The following ARSB variants were observed in gnomAD, a reference collection of about 807,000 sequenced individuals.
The protein encoded by ARSB is arylsulfatase B.
A neutral mutation model predicts 50.9 loss-of-function variants in ARSB; 41 were observed. The observed-to-expected ratio is 0.81, with a 90% CI of 0.63 to 1.04. The LOEUF is 1.04. Ranked by LOEUF, ARSB falls within the 50% of genes least tolerant of loss-of-function variation. The probability of loss-of-function intolerance (pLI) is 0.00; values close to 1 mark genes in which losing one functional copy is unlikely to be tolerated. For missense variants in ARSB, 672 were observed against 693.3 expected (o/e 0.97, Z 0.35); for synonymous variants, 269 against 284.8 (o/e 0.94, Z 0.56).
At chr5:78,933,917 GA>G (rs1050701053) in intron 4 of ARSB, among the ~76,000 whole-genome samples, 1 of 152,166 alleles carries the variant, frequency 6.6e-6, no homozygotes, top group Non-Finnish European at 1.5e-5. Flanking sequence ...CTAGAGTGAC[GA>G]GAGAGAAGAA....
chr5:78,804,600 T>G lies in ARSB; in HGVS notation c.1214-22626A>C, dbSNP rs538303007. On this transcript the variant is annotated intron_variant, in intron 6 of 7. Coordinates refer to ENST00000264914, the MANE Select transcript of ARSB (RefSeq NM_000046.5). ...TTGACATGGCAGATAATTAAGACAC[T>G]AAAACTAACAACCAAAGGCAGAAAG... 3.3e-5 allele frequency among the ~76,000 whole-genome samples: 5 copies of G among 152,304 alleles called. No individual in the cohort carries two copies. In the South Asian group the frequency reaches 1.0e-3, roughly 32 times the overall value.
chr5:78,974,085 G>GT (rs1752568155), intron 1 of ARSB, among the ~76,000 whole-genome samples: 1 of 152,212 alleles, frequency 6.6e-6, no homozygotes, highest in Non-Finnish European at 1.5e-5. Context: ...TCACGGTCAA[G>GT]TAACACTTGT....
intron 4 of ARSB, among the ~76,000 whole-genome samples, chr5:78,909,501 A>G (rs929451289): frequency 1.3e-5 from 2 of 152,156 alleles, no homozygotes; most frequent in East Asian, 3.8e-4. Context: ...CTTTGCCCCA[A>G]CCTTGAGCTC....
intron 4 of ARSB, among the ~76,000 whole-genome samples, chr5:78,907,677 C>T (rs1430534569): frequency 6.6e-6 from 1 of 152,108 alleles, no homozygotes; most frequent in Non-Finnish European, 1.5e-5. Flanking sequence ...GTGGACTGCT[C>T]CTGTTAGAAG....
intron 5 of ARSB, among the ~76,000 whole-genome samples, chr5:78,868,479 C>G (rs1289126243): frequency 8.2e-6 from 1 of 122,478 alleles, no homozygotes; most frequent in Non-Finnish European, 1.8e-5. Context: ...AGAAACCCTA[C>G]AAGCCAGAGG....
chr5:78,935,927 T>TCCGCC, intron 4 of ARSB, among the ~76,000 whole-genome samples: 1 of 107,122 alleles, frequency 9.3e-6, no homozygotes, highest in African/African-American at 3.5e-5. Context: ...TCCTCCCCTC[T>TCCGCC]CCTCCACTCC....
intron 4 of ARSB, among the ~76,000 whole-genome samples, chr5:78,905,291 G>A (rs1385422155): frequency 4.7e-5 from 7 of 149,522 alleles, no homozygotes; most frequent in Non-Finnish European, 1.0e-4. Flanking sequence ...GCTCATCACA[G>A]CTGAAATAAT....
intron 4 of ARSB, among the ~76,000 whole-genome samples, chr5:78,922,003 T>C (rs1749834298): frequency 6.6e-6 from 1 of 151,954 alleles, no homozygotes; most frequent in Non-Finnish European, 1.5e-5. Context: ...CTGGCACCCG[T>C]GGAGGGAGCA....
At chr5:78,971,562 A>G (rs1284196785) in intron 1 of ARSB, among the ~76,000 whole-genome samples, 3 of 152,356 alleles carry the variant, frequency 2.0e-5, no homozygotes, top group Non-Finnish European at 4.4e-5. Flanking sequence ...GTGGAATAGC[A>G]TAAGGCTCAG....
intron 5 of ARSB, among the ~76,000 whole-genome samples, chr5:78,847,020 A>C (rs1745476148): frequency 6.6e-6 from 1 of 152,240 alleles, no homozygotes; most frequent in African/African-American, 2.4e-5. Flanking sequence ...TGTGGTTTTT[A>C]TACTTCATTC....
At chr5:78,946,303 T>G (rs1242447931) in intron 4 of ARSB, among the ~76,000 whole-genome samples, 1 of 152,140 alleles carries the variant, frequency 6.6e-6, no homozygotes, top group Non-Finnish European at 1.5e-5. Context: ...AGAAGTCAAA[T>G]TATCCTTGTT....
intron 4 of ARSB, among the ~76,000 whole-genome samples, chr5:78,952,327 CTTCT>C (rs141893659): frequency 0.69 from 103,774 of 150,584 alleles, 35,703 homozygotes; most frequent in Middle Eastern, 0.75. Flanking sequence ...CCCATGCACT[CTTCT>C]TTCTTTCTTT....
In ARSB at chr5:78,857,128, C is replaced by A. The variant is rs548226796; in HGVS notation, c.1143-17702G>T. On this transcript the variant is annotated intron_variant, in intron 5 of 7. Transcript: ENST00000264914. Reference sequence around the variant, plus strand: ...AAGACTATAACCTGGGACACAGACACAAGAATAATATGAAGATAAAATGAA... The same window carrying A: ...AAGACTATAACCTGGGACACAGACAAAAGAATAATATGAAGATAAAATGAA... Among the ~76,000 whole-genome samples, 45 of 152,268 alleles carry A rather than the reference C, an allele frequency of 3.0e-4. 1 individual carries two copies. The highest frequency in any genetic ancestry group is 6.8e-3 in the Middle Eastern group (2 of 294).
chr5:78,851,122 T>G (rs963616047), intron 5 of ARSB, among the ~76,000 whole-genome samples: 3 of 152,238 alleles, frequency 2.0e-5, no homozygotes, highest in African/African-American at 7.2e-5. Context: ...TGTTTGCTCT[T>G]GCTTTTCTAG....
intron 6 of ARSB, among the ~76,000 whole-genome samples, chr5:78,818,785 C>T (rs1208439345): frequency 6.6e-6 from 1 of 151,946 alleles, no homozygotes; most frequent in African/African-American, 2.4e-5. Context: ...AAGGGACATG[C>T]TTTTCAAGTG....
At chr5:78,807,831 C>A (rs753915298) in intron 6 of ARSB, among the ~76,000 whole-genome samples, 28 of 152,128 alleles carry the variant, frequency 1.8e-4, no homozygotes, top group African/African-American at 6.5e-4. Context: ...CGGTGGCTCA[C>A]GCCTGTAATC....
intron 4 of ARSB, among the ~76,000 whole-genome samples, chr5:78,905,407 T>A (rs1749017503): frequency 6.8e-6 from 1 of 147,182 alleles, no homozygotes. Context: ...AATACCATGT[T>A]CTGAGCCTCT....
chr5:78,856,704 C>A (rs1338993099), intron 5 of ARSB, among the ~76,000 whole-genome samples: 1 of 152,144 alleles, frequency 6.6e-6, no homozygotes, highest in Non-Finnish European at 1.5e-5. Context: ...TAGCTTCTAT[C>A]TTCTCTATGT....
At chr5:78,939,914 C>T (rs1362908890) in intron 4 of ARSB, among the ~76,000 whole-genome samples, 1 of 152,180 alleles carries the variant, frequency 6.6e-6, no homozygotes, top group Non-Finnish European at 1.5e-5. Context: ...TAAAAGTGTT[C>T]CTATTTCTCC....
Sources: gnomAD v4.1 joint callset for allele counts (sites outside exome capture counted in the v4.1 genomes callset) on GRCh38, gnomAD v4.1.1 for gene constraint, MANE v1.5 for transcripts, NCBI Gene and HGNC (gene_info 2026-07-23, HGNC 2026-07-21) for gene names.